The following PANK1 variants were observed in gnomAD, a reference collection of about 807,000 sequenced individuals.
The protein encoded by PANK1 is pantothenic acid kinase 1.
In PANK1, 18 loss-of-function variants were observed where a neutral mutation model predicts 40.1. The ratio of observed to expected loss-of-function variants is 0.45; its 90% CI spans 0.31 to 0.67. The LOEUF (loss-of-function observed/expected upper bound fraction) is 0.67, where lower values mean the gene tolerates loss of function less well. PANK1 is among the 30% of genes least tolerant of loss of function. The probability of loss-of-function intolerance (pLI) is 0.06; values close to 1 mark genes in which losing one functional copy is unlikely to be tolerated. For missense variants in PANK1, 457 were observed against 599.6 expected, an observed-to-expected ratio of 0.76 and a Z score of 2.48; for synonymous variants, 242 against 237.7, an observed-to-expected ratio of 1.02 and a Z score of -0.17.
chr10:89,579,886 G>A (rs1448922199), downstream of PANK1: 8 of 152,216 alleles, frequency 5.3e-5, no homozygotes, highest in African/African-American at 1.7e-4. Context: ...CATCCTCAGT[G>A]CTACCCAATG....
intron 2 of PANK1, among the ~76,000 whole-genome samples, chr10:89,604,730 T>C (rs1451758214): frequency 6.7e-6 from 1 of 148,256 alleles, no homozygotes; most frequent in East Asian, 2.0e-4. Context: ...TACACTATAC[T>C]GTAGTCTATC....
intron 1 of PANK1, among the ~76,000 whole-genome samples, chr10:89,627,242 A>G (rs1845684680): frequency 6.6e-6 from 1 of 152,126 alleles, no homozygotes; most frequent in South Asian, 2.1e-4. Context: ...AAAAAAAAAA[A>G]AAAATTCCAC....
At chr10:89,642,809 G>A (rs1409258544) in intron 1 of PANK1, among the ~76,000 whole-genome samples, 1 of 152,170 alleles carries the variant, frequency 6.6e-6, no homozygotes, top group Non-Finnish European at 1.5e-5. Context: ...TCTGAGAGAA[G>A]AAAACATGGT....
At chr10:89,643,885 CTT>C (rs773164347) in intron 1 of PANK1, 308 of 1,426,014 alleles carry the variant, frequency 2.2e-4, no homozygotes, top group Non-Finnish European at 2.7e-4. Context: ...AAATAATGCA[CTT>C]CGGCTTTCTC....
chr10:89,629,166 G>A (rs2133012968), intron 1 of PANK1, among the ~76,000 whole-genome samples: 1 of 152,350 alleles, frequency 6.6e-6, no homozygotes, highest in South Asian at 2.1e-4. Context: ...ACTCTCAAGT[G>A]TAAGATGCAT....
At position 89,634,322 on chromosome 10, in the gene PANK1, T is replaced by A. The variant is rs11330; in HGVS notation, c.292+10278A>T. On this transcript the variant is annotated intron_variant, in intron 1 of 6. Transcript: ENST00000307534. ...GAAGCCCCAGAGGGATCCAAGTAAC[T>A]GGCTGCCCAGGCTAGCTACAATTCA... Among the ~76,000 whole-genome samples the A allele has an allele frequency of 2.0e-5, 3 of 152,110 alleles. No homozygotes were observed. The South Asian group carries it at 6.2e-4, about 32-fold the overall frequency.
At chr10:89,639,311 G>A in intron 1 of PANK1, 1 of 380,058 alleles carries the variant, frequency 2.6e-6, no homozygotes. Context: ...ACCCATACAT[G>A]AGGGTGAAGC....
chr10:89,642,626 A>G (rs759974554), intron 1 of PANK1, among the ~76,000 whole-genome samples: 1 of 152,224 alleles, frequency 6.6e-6, no homozygotes, highest in Admixed American at 6.5e-5. Flanking sequence ...TCTTAGAGTA[A>G]CTAAATATCA....
chr10:89,590,896 GGAA>G (rs1425195389), intron 5 of PANK1, among the ~76,000 whole-genome samples: 1 of 152,020 alleles, frequency 6.6e-6, no homozygotes, highest in Admixed American at 6.6e-5. Context: ...CAAAAAAGAG[GGAA>G]GAAGGAGAGA....
chr10:89,616,211 A>C (rs11185798), intron 1 of PANK1, among the ~76,000 whole-genome samples: 23,109 of 152,262 alleles, frequency 0.15, 2,210 homozygotes, highest in East Asian at 0.45. Context: ...GGTGAAACTG[A>C]TGTTCATAAA....
rs1230991833 is a variant in PANK1, at chr10:89,584,482, A to G, written c.1327-17T>C. The G allele has an allele frequency of 1.9e-6, 3 of 1,570,556 alleles. No individual in the cohort carries two copies. Among genetic ancestry groups the G allele is most frequent in the East Asian group, 2.2e-5 (1 of 44,686 alleles). ...AAAATAACCCTACGAAAACAATACA[A>G]AACGATGATCTCTGAACCTTAGCCA... On this transcript the variant is annotated splice_polypyrimidine_tract_variant and intron_variant, in intron 6 of 6. Transcript: ENST00000307534.
chr10:89,596,971 A>C (rs1288284305), intron 3 of PANK1, among the ~76,000 whole-genome samples: 1 of 152,212 alleles, frequency 6.6e-6, no homozygotes, highest in Non-Finnish European at 1.5e-5. Context: ...AAATGTTGCT[A>C]CCCAATCTGG....
In PANK1 at chr10:89,599,505, T is replaced by C. The variant is rs1334959122; in HGVS notation, c.646A>G (p.Ile216Val). 2 of 1,611,258 alleles carry C rather than the reference T, an allele frequency of 1.2e-6. No homozygotes were observed. The highest frequency in any genetic ancestry group is 1.7e-6 in the Non-Finnish European group (2 of 1,178,356). Residue 216 changes from isoleucine (I) to valine (V), a missense_variant and splice_region_variant, in exon 3 of 7, where the codon ATT becomes GTT. Physicochemically the swap from Ile to Val is conservative, Grantham distance 29. This residue lies in a region of PANK1 where 286 missense variants were observed against 415.8 expected (regional missense o/e 0.69). Transcript: ENST00000307534. ...AGTTTATGCAGCTGCAGGTCAGCAA[T>C]CTAAAACAAAACACACAACAAAATA... ...AFKFEEDFRM[I>V]ADLQLHKLDE...
intron 1 of PANK1, among the ~76,000 whole-genome samples, chr10:89,634,035 TG>T: frequency 6.6e-6 from 1 of 152,284 alleles, no homozygotes; most frequent in Admixed American, 6.5e-5. Flanking sequence ...CCTCGTGAGC[TG>T]TTATGTAGAA....
chr10:89,639,479 A>G (rs559958704), intron 1 of PANK1, among the ~76,000 whole-genome samples: 5 of 152,328 alleles, frequency 3.3e-5, no homozygotes, highest in Non-Finnish European at 7.3e-5. Context: ...GCATGGTACT[A>G]TACTTGATAT....
chr10:89,644,968 T>TC lies in PANK1; in HGVS notation c.-78dup. ...GAGGTCATTCTCCGGCGTCTTTATTTCCCCGGATCCTCCCTGCGGCTTCCG... is the reference window on the plus strand; with the variant it reads ...GAGGTCATTCTCCGGCGTCTTTATTTCCCCCGGATCCTCCCTGCGGCTTCCG... On this transcript the variant is annotated 5_prime_UTR_variant, in exon 1 of 7. Transcript: ENST00000307534. 6.4e-7 allele frequency: 1 copy of TC among 1,574,044 alleles called. No individual in the cohort carries two copies. The highest frequency in any genetic ancestry group is 8.6e-7 in the Non-Finnish European group (1 of 1,163,472).
At chr10:89,591,229 C>A (rs569792361) in intron 5 of PANK1, among the ~76,000 whole-genome samples, 51 of 151,454 alleles carry the variant, frequency 3.4e-4, no homozygotes, top group Non-Finnish European at 6.3e-4. Flanking sequence ...TATTGTAATA[C>A]GTACAATAAA....
chr10:89,615,663 A>G (rs1845294842), intron 1 of PANK1, among the ~76,000 whole-genome samples: 1 of 152,184 alleles, frequency 6.6e-6, no homozygotes, highest in East Asian at 1.9e-4. Context: ...TCAGCTTCTC[A>G]AAGGAACTAC....
chr10:89,636,311 C>G lies in PANK1; in HGVS notation c.292+8289G>C, dbSNP rs1254576304. Among the ~76,000 whole-genome samples, 3 of 140,268 alleles carry G rather than the reference C, an allele frequency of 2.1e-5. No homozygotes were observed. The East Asian group carries it at 6.8e-4, about 32-fold the overall frequency. 92.0% of individuals were successfully genotyped at this position (140,268 alleles called of 152,430 possible). A position where few individuals can be genotyped will look rare whatever the true frequency, so the allele number is the denominator to read the frequency against. On this transcript the variant is annotated intron_variant, in intron 1 of 6. Transcript: ENST00000307534. ...AATCTAGCTGGAGAAAGCCATGCAT[C>G]CACAGTTATTATTATTATTATTATT...
Sources: gnomAD v4.1 joint callset for allele counts (sites outside exome capture counted in the v4.1 genomes callset) on GRCh38, gnomAD v4.1.1 for gene constraint, gnomAD v4.1.1 regional missense constraint, MANE v1.5 for transcripts, NCBI Gene and HGNC (gene_info 2026-07-23, HGNC 2026-07-21) for gene names.